MAP6: variants seen among roughly 807,000 people sequenced by gnomAD.
MAP6 encodes microtubule associated protein 6, also known as microtubule-associated protein 6.
A neutral mutation model predicts 42.4 loss-of-function variants in MAP6; 26 were observed. The ratio of observed to expected loss-of-function variants is 0.61; its 90% CI spans 0.45 to 0.85. MAP6 has a LOEUF of 0.85. MAP6 is among the 40% of genes least tolerant of loss of function. The pLI, the probability that MAP6 is intolerant of heterozygous loss-of-function variation, is 0.00. For missense variants in MAP6, 966 were observed against 1,099.0 expected, an observed-to-expected ratio of 0.88 and a Z score of 1.71; for synonymous variants, 418 against 443.8, an observed-to-expected ratio of 0.94 and a Z score of 0.73.
chr11:75,667,894 T>C lies in MAP6; in HGVS notation c.476A>G (p.Asp159Gly). ...PFERETQYQK[D>G]FRAWPLPRRG... ...GCGCGGCAGCGGCCAGGCGCGGAAGTCCTTCTGGTACTGGGTCTCGCGCTC... is the reference window on the plus strand; with the variant it reads ...GCGCGGCAGCGGCCAGGCGCGGAAGCCCTTCTGGTACTGGGTCTCGCGCTC... Residue 159 changes from aspartate to glycine, a missense_variant, in exon 1 of 4, where the codon GAC (aspartate) becomes GGC (glycine). Asp to Gly is a moderately conservative substitution (Grantham distance 94, BLOSUM62 -1). Transcript: ENST00000304771. This position sits in a 1 kb window ranked among gnomAD's most constrained non-coding sequence, Gnocchi z 5.6. 1.4e-6 allele frequency: 2 copies of C among 1,441,624 alleles called. No individual in the cohort carries two copies. The highest frequency in any genetic ancestry group is 1.8e-6 in the Non-Finnish European group (2 of 1,094,378). The allele number at this position is 1,441,624 out of a possible 1,614,324, so 89.3% of individuals were successfully genotyped here.
At chr11:75,626,831 A>T (rs1023314272) in intron 1 of MAP6, among the ~76,000 whole-genome samples, 2 of 152,356 alleles carry the variant, frequency 1.3e-5, no homozygotes, top group Non-Finnish European at 2.9e-5. Context: ...AAGAAAAGAC[A>T]AGGAGCCCAC....
chr11:75,605,677 C>T (rs1262042898), intron 3 of MAP6, 131 bp downstream of exon 3: 51 of 1,468,958 alleles, frequency 3.5e-5, no homozygotes, highest in African/African-American at 4.3e-5. Flanking sequence ...GCTCCTGGAA[C>T]ACTCAGGACC....
At chr11:75,617,763 A>C (rs1047368621) in intron 1 of MAP6, among the ~76,000 whole-genome samples, 1 of 152,080 alleles carries the variant, frequency 6.6e-6, no homozygotes, top group Non-Finnish European at 1.5e-5. Context: ...GATAGGTTGT[A>C]AGAAAACTTC....
In MAP6 at chr11:75,619,284, C is replaced by A. The variant is rs988446268; in HGVS notation, c.906-10962G>T. Among the ~76,000 whole-genome samples the A allele has an allele frequency of 2.1e-4, 32 of 152,240 alleles. 1 individual carries two copies. The highest frequency in any genetic ancestry group is 7.7e-4 in the African/African-American group (32 of 41,538). On this transcript the variant is annotated intron_variant, in intron 1 of 3. Transcript: ENST00000304771. ...AATTGACTCAAGAAGAAATAGAAAACCTGAATAAACCTATATCAGGTACAG... is the reference window on the plus strand; with the variant it reads ...AATTGACTCAAGAAGAAATAGAAAAACTGAATAAACCTATATCAGGTACAG...
At chr11:75,617,207 T>TA (rs1943010588) in intron 1 of MAP6, among the ~76,000 whole-genome samples, 1 of 152,090 alleles carries the variant, frequency 6.6e-6, no homozygotes, top group Admixed American at 6.6e-5. Flanking sequence ...TGAGGATGGA[T>TA]AGTTAAAAAT....
chr11:75,642,936 TA>T (rs1011481418), intron 1 of MAP6: 86 of 454,290 alleles, frequency 1.9e-4, no homozygotes, highest in Middle Eastern at 7.8e-4. Context: ...ATGTTCTGGT[TA>T]AAAAAAATTC....
intron 1 of MAP6, among the ~76,000 whole-genome samples, chr11:75,623,008 T>C (rs1943134996): frequency 6.6e-6 from 1 of 152,112 alleles, no homozygotes; most frequent in Non-Finnish European, 1.5e-5. Flanking sequence ...TTTTTCCAGA[T>C]AGTGGGAAAA....
At position 75,668,548 on chromosome 11, in the gene MAP6, G is replaced by C. The variant is rs913915415; in HGVS notation, c.-179C>G. 1 of 844,176 alleles carries C rather than the reference G, an allele frequency of 1.2e-6. No homozygotes were observed. The highest frequency in any genetic ancestry group is 1.6e-6 in the Non-Finnish European group (1 of 623,058). The allele number at this position is 844,176 out of a possible 1,614,324, so 52.3% of individuals were successfully genotyped here. On this transcript the variant is annotated 5_prime_UTR_variant, in exon 1 of 4. Transcript: ENST00000304771. ...CGAGCACCCGGGGAGAGCTGTCCTA[G>C]GAGAGTCTGTAGAGTCCCTCGATTA...
At chr11:75,640,537 C>T (rs970338142) in intron 1 of MAP6, among the ~76,000 whole-genome samples, 3 of 152,062 alleles carry the variant, frequency 2.0e-5, no homozygotes, top group Non-Finnish European at 4.4e-5. Context: ...TGGGCCCAAC[C>T]TTAGAAATTC....
chr11:75,597,911 CA>C (rs984605719), intron 3 of MAP6, among the ~76,000 whole-genome samples: 2 of 152,134 alleles, frequency 1.3e-5, no homozygotes, highest in Admixed American at 6.5e-5. Context: ...TGTTAGGGAC[CA>C]GGGGCAGTAA....
At chr11:75,638,455 A>C (rs1181574211) in intron 1 of MAP6, 1 of 152,242 alleles carries the variant, frequency 6.6e-6, no homozygotes, top group East Asian at 1.9e-4. Context: ...AGTAACAGGA[A>C]TAATGAGGCC....
At chr11:75,660,759 C>T (rs1692047705) in intron 1 of MAP6, among the ~76,000 whole-genome samples, 1 of 152,058 alleles carries the variant, frequency 6.6e-6, no homozygotes, top group African/African-American at 2.4e-5. Flanking sequence ...TTCAGTGACT[C>T]ATTATTGTCT....
intron 3 of MAP6, chr11:75,603,490 G>A: frequency 1.0e-6 from 1 of 985,378 alleles, no homozygotes; most frequent in Non-Finnish European, 1.2e-6. Context: ...GGTTTTCTCA[G>A]TGGGTGTGTT....
At chr11:75,618,883 TG>T (rs1447843121) in intron 1 of MAP6, among the ~76,000 whole-genome samples, 1 of 152,224 alleles carries the variant, frequency 6.6e-6, no homozygotes, top group East Asian at 1.9e-4. Flanking sequence ...AGCATATCCC[TG>T]GGACCCCTCG....
chr11:75,617,998 G>A (rs917236868), intron 1 of MAP6, among the ~76,000 whole-genome samples: 1 of 152,132 alleles, frequency 6.6e-6, no homozygotes, highest in Non-Finnish European at 1.5e-5. Flanking sequence ...GTGGGAGGGA[G>A]TGTTGCTCCT....
intron 1 of MAP6, among the ~76,000 whole-genome samples, chr11:75,655,029 C>T (rs1020587019): frequency 6.6e-6 from 1 of 152,148 alleles, no homozygotes; most frequent in Non-Finnish European, 1.5e-5. Context: ...CCAGGGCCCG[C>T]CTGGTACTTT....
At chr11:75,626,297 A>G (rs1391223810) in intron 1 of MAP6, among the ~76,000 whole-genome samples, 1 of 152,176 alleles carries the variant, frequency 6.6e-6, no homozygotes, top group East Asian at 1.9e-4. Context: ...ACATCTGAAC[A>G]CTTTCATTTT....
At chr11:75,613,994 CAA>C (rs1942952780) in intron 1 of MAP6, among the ~76,000 whole-genome samples, 1 of 152,190 alleles carries the variant, frequency 6.6e-6, no homozygotes, top group African/African-American at 2.4e-5. Flanking sequence ...GCTGATCAGG[CAA>C]AGTTTTCAGA....
At chr11:75,635,554 A>G (rs1356216366) in intron 1 of MAP6, among the ~76,000 whole-genome samples, 2 of 152,238 alleles carry the variant, frequency 1.3e-5, no homozygotes, top group Admixed American at 6.5e-5. Context: ...TTAGTTTGTC[A>G]GTTCATATTT....
Sources: gnomAD v4.1 joint callset for allele counts (sites outside exome capture counted in the v4.1 genomes callset) on GRCh38, gnomAD v4.1.1 for gene constraint, Gnocchi (gnomAD v3.1) non-coding constraint, MANE v1.5 for transcripts, NCBI Gene and HGNC (gene_info 2026-07-23, HGNC 2026-07-21) for gene names.